The following ELF4 variants were observed in gnomAD, a reference collection of about 807,000 sequenced individuals.
ELF4 encodes E74 like ETS transcription factor 4.
Under a neutral mutation model 31.7 loss-of-function variants are expected in ELF4, and 10 were observed. The observed-to-expected ratio is 0.32, with a 90% CI of 0.19 to 0.54. The LOEUF (loss-of-function observed/expected upper bound fraction) is 0.54, where lower values mean the gene tolerates loss of function less well. ELF4 is among the 20% of genes least tolerant of loss of function. The pLI is 0.95. For missense variants in ELF4, 418 were observed against 522.0 expected (o/e 0.80, Z 1.94); for synonymous variants, 208 against 226.7 (o/e 0.92, Z 0.74).
intron 1 of ELF4, among the ~76,000 whole-genome samples, chrX:130,102,072 G>C (rs892131875): frequency 1.8e-5 from 2 of 112,353 alleles, no homozygotes; most frequent in African/African-American, 3.2e-5. Context: ...CTTGAACCCA[G>C]GAAGCAGAGG....
At chrX:130,068,525 C>T (rs1262680229) in intron 8 of ELF4, among the ~76,000 whole-genome samples, 1 of 112,134 alleles carries the variant, frequency 8.9e-6, no homozygotes, top group Non-Finnish European at 1.9e-5. Flanking sequence ...TAGTGACTGC[C>T]TGCCCTCCTC....
Position 130,064,580 on chromosome X carries a change from G to A in ELF4, c.*2141C>T, listed in dbSNP as rs1323655381. 1.8e-5 allele frequency among the ~76,000 whole-genome samples: 2 copies of A among 112,155 alleles called. No individual in the cohort carries two copies. Among genetic ancestry groups the A allele is most frequent in the Admixed American group, 1.9e-4 (2 of 10,587 alleles). ...GTTGGGACTGGAGCTCTAGATTTAG[G>A]ACCCATCTCCGAGGAGCCAAAATGA... On this transcript the variant is annotated 3_prime_UTR_variant, in exon 9 of 9. Transcript: ENST00000308167.
intron 2 of ELF4, among the ~76,000 whole-genome samples, chrX:130,077,818 A>T (rs978534034): frequency 2.7e-5 from 3 of 112,047 alleles, no homozygotes; most frequent in African/African-American, 9.7e-5. Context: ...CCTGGCGTAG[A>T]CTAAGCTCTC....
intron 3 of ELF4, 22 bp downstream of exon 3, chrX:130,074,559 T>C: frequency 8.3e-7 from 1 of 1,211,521 alleles, no homozygotes; most frequent in Non-Finnish European, 1.1e-6. Context: ...CCACACCTTC[T>C]CTGCCCAGGA....
intron 5 of ELF4, among the ~76,000 whole-genome samples, chrX:130,071,633 G>A (rs1328107111): frequency 3.6e-5 from 4 of 112,464 alleles, no homozygotes; most frequent in South Asian, 3.7e-4. Flanking sequence ...TGGAGAAACC[G>A]GGTGCTTGCA....
At chrX:130,084,894 A>T (rs1041308654) in intron 1 of ELF4, among the ~76,000 whole-genome samples, 3 of 112,526 alleles carry the variant, frequency 2.7e-5, no homozygotes, top group African/African-American at 9.7e-5. Flanking sequence ...TGCCACCATC[A>T]TAGGAGGTGC....
intron 1 of ELF4, among the ~76,000 whole-genome samples, chrX:130,095,270 C>T (rs1603208466): frequency 8.9e-6 from 1 of 112,271 alleles, no homozygotes; most frequent in East Asian, 2.8e-4. Flanking sequence ...CCAACTACTA[C>T]ACACAATGAA....
chrX:130,096,755 G>A (rs772759344), intron 1 of ELF4, among the ~76,000 whole-genome samples: 1 of 111,028 alleles, frequency 9.0e-6, no homozygotes, highest in African/African-American at 3.3e-5. Context: ...TATAATCCTA[G>A]GCAAGGGTAA....
At chrX:130,084,536 G>T (rs952717153) in intron 1 of ELF4, among the ~76,000 whole-genome samples, 1 of 112,091 alleles carries the variant, frequency 8.9e-6, no homozygotes, top group African/African-American at 3.2e-5. Flanking sequence ...TCCAGGACTT[G>T]GTGGGTGCAG....
At position 130,071,149 on chromosome X, in the gene ELF4, G is replaced by A; in HGVS notation, c.700C>T (p.Arg234Ter). ...ACCAGTTTGAAGATGCCTTTCTCTC[G>A]CTGGGTCCACTTGATGTACTTGGGA... ...TCPKYIKWTQREKGIFKLVDS... is the reference protein window; with the variant it reads ...TCPKYIKWTQ The change falls in exon 7 of 9, where the codon CGA (arginine) becomes TGA (stop). Residue 234 changes from arginine (R) to a stop codon, truncating the protein, a stop_gained. Transcript: ENST00000308167. LOFTEE classifies it high-confidence loss of function. The A allele has an allele frequency of 1.7e-6, 2 of 1,211,563 alleles. No homozygotes were observed. The highest frequency in any genetic ancestry group is 2.2e-6 in the Non-Finnish European group (2 of 895,509).
At position 130,066,785 on chromosome X, in the gene ELF4, G is replaced by C. The variant is rs890166986; in HGVS notation, c.1928C>G (p.Thr643Ser). The C allele has an allele frequency of 1.7e-6, 2 of 1,207,597 alleles. No homozygotes were observed. Among genetic ancestry groups the C allele is most frequent in the Admixed American group, 4.4e-5 (2 of 45,627 alleles). Residue 643 changes from threonine (T) to serine (S), a missense_variant, in exon 9 of 9, where the codon ACC (threonine) becomes AGC (serine). Physicochemically the swap from Thr to Ser is moderately conservative, Grantham distance 58. Transcript: ENST00000308167. The stretch of plus-strand genomic sequence containing the variant: ...GTTGAATGGGGAGAAAGGGGCTGGG[G>C]TGGGGGATCTTGTCAGAAGGCTCCC... ...TSGSLLTRSP[T>S]PAPFSPFNPT...
chrX:130,095,307 G>T (rs1212097530), intron 1 of ELF4, among the ~76,000 whole-genome samples: 3 of 112,259 alleles, frequency 2.7e-5, no homozygotes. Flanking sequence ...ATCTGCTTTG[G>T]TAATAATTCT....
intron 1 of ELF4, among the ~76,000 whole-genome samples, chrX:130,089,531 A>AC (rs996102635): frequency 9.5e-6 from 1 of 104,974 alleles, no homozygotes; most frequent in African/African-American, 3.5e-5. Context: ...AAAAAAAAAA[A>AC]AAAAAACACC....
chrX:130,087,107 A>C (rs1284628401), intron 1 of ELF4, among the ~76,000 whole-genome samples: 1 of 113,055 alleles, frequency 8.8e-6, no homozygotes, highest in African/African-American at 3.2e-5. Flanking sequence ...TGAGAAGGCC[A>C]AAAGAGCACC....
chrX:130,069,470 G>C lies in ELF4; in HGVS notation c.1017C>G (p.Ala339=). The C allele has an allele frequency of 2.5e-6, 3 of 1,212,414 alleles. No individual in the cohort carries two copies. Among genetic ancestry groups the C allele is most frequent in the Non-Finnish European group, 3.3e-6 (3 of 895,669 alleles). Residue 339 remains alanine (A), a synonymous_variant, in exon 8 of 9, where the codon GCC becomes GCG. Coordinates refer to ENST00000308167, the MANE Select transcript of ELF4 (RefSeq NM_001421.4). The part of the protein sequence containing the change: ...RTSSRVSSRS[A]PQGKGSSSWE... ...AAGAAGAGCTGCCCTTGCCCTGGGG[G>C]GCAGATCTGGATGAGACCCTGGAGC... is the stretch of plus-strand genomic sequence containing the variant.
intron 1 of ELF4, among the ~76,000 whole-genome samples, chrX:130,086,937 G>A (rs1201304019): frequency 1.8e-5 from 2 of 112,088 alleles, no homozygotes; most frequent in Non-Finnish European, 3.8e-5. Context: ...GCAGGCTGCT[G>A]CGGCTGGTGC....
chrX:130,094,972 C>T (rs1358811281), intron 1 of ELF4, among the ~76,000 whole-genome samples: 2 of 111,135 alleles, frequency 1.8e-5, no homozygotes, highest in Admixed American at 9.6e-5. Context: ...GCTGGTGGGC[C>T]GAGGGTGGTG....
chrX:130,099,555 C>G (rs1933209928), intron 1 of ELF4, among the ~76,000 whole-genome samples: 1 of 111,286 alleles, frequency 9.0e-6, no homozygotes, highest in Non-Finnish European at 1.9e-5. Flanking sequence ...GCCTGGGTGA[C>G]AAGAGCGATA....
intron 7 of ELF4, among the ~76,000 whole-genome samples, chrX:130,070,553 T>C (rs1277711498): frequency 1.0e-4 from 11 of 106,917 alleles, no homozygotes; most frequent in Non-Finnish European, 1.5e-4. Context: ...CCAGCCTGGG[T>C]GACAGAGCAA....
Sources: gnomAD v4.1 joint callset for allele counts (sites outside exome capture counted in the v4.1 genomes callset) on GRCh38, gnomAD v4.1.1 for gene constraint, MANE v1.5 for transcripts, NCBI Gene and HGNC (gene_info 2026-07-23, HGNC 2026-07-21) for gene names.